The following TLE2 variants were observed in gnomAD, a reference collection of about 807,000 sequenced individuals.
The protein encoded by TLE2 is TLE family member 2, transcriptional corepressor, also known as transducin-like enhancer protein 2.
Under a neutral mutation model 97.2 loss-of-function variants are expected in TLE2, and 74 were observed. The observed-to-expected ratio is 0.76, with a 90% CI of 0.63 to 0.92. TLE2 has a LOEUF of 0.92. Among genes scored for constraint, TLE2 ranks in the 40% least tolerant of loss-of-function variants. The probability of loss-of-function intolerance (pLI) is 0.00; values close to 1 mark genes in which losing one functional copy is unlikely to be tolerated. For missense variants in TLE2, 1,038 were observed against 1,008.7 expected, an observed-to-expected ratio of 1.03 and a Z score of -0.39; for synonymous variants, 499 against 432.1, an observed-to-expected ratio of 1.15 and a Z score of -1.92.
intron 2 of TLE2, 150 bp downstream of exon 2, chr19:3,028,556 G>C: frequency 9.8e-7 from 1 of 1,016,334 alleles, no homozygotes; most frequent in Non-Finnish European, 1.4e-6. Context: ...ACTGTCCCCA[G>C]ACCCCTCTGC....
intron 5 of TLE2, among the ~76,000 whole-genome samples, chr19:3,023,378 C>T (rs995599967): frequency 9.9e-5 from 15 of 152,202 alleles, no homozygotes; most frequent in Non-Finnish European, 2.1e-4. Context: ...TAGACCACCT[C>T]GTCCCCACTT....
At chr19:3,008,364 C>T (rs745356600) in intron 14 of TLE2, among the ~76,000 whole-genome samples, 4 of 152,182 alleles carry the variant, frequency 2.6e-5, no homozygotes, top group Admixed American at 6.5e-5. Context: ...CCCCCGACAT[C>T]GCCCAGTGTC....
chr19:3,028,630 G>C, intron 2 of TLE2, 76 bp downstream of exon 2: 6 of 1,414,050 alleles, frequency 4.2e-6, no homozygotes, highest in Non-Finnish European at 2.0e-6. Flanking sequence ...CCTCCTCCCC[G>C]CCCTATACCC....
At chr19:3,030,920 C>T (rs1203710040), upstream of TLE2, among the ~76,000 whole-genome samples, 1 of 146,474 alleles carries the variant, frequency 6.8e-6, no homozygotes, top group Non-Finnish European at 1.5e-5. Flanking sequence ...CACTGCACTC[C>T]AGCCTGGGTG....
At position 2,997,720 on chromosome 19, in the gene TLE2, C is replaced by G. The variant is rs1480214733; in HGVS notation, c.*128G>C. The G allele has an allele frequency of 3.0e-6, 2 of 667,794 alleles. No individual in the cohort carries two copies. Among genetic ancestry groups the G allele is most frequent in the Non-Finnish European group, 5.4e-6 (2 of 373,250 alleles). The allele number at this position is 667,794 out of a possible 1,614,324, so 41.4% of individuals were successfully genotyped here. On this transcript the variant is annotated 3_prime_UTR_variant, in exon 20 of 20. Coordinates refer to ENST00000262953, the MANE Select transcript of TLE2 (RefSeq NM_003260.5). ...CATGCAGCAGGGGAAGGTGTGAAGCCGTTGGCCAGAGAGCAGATGGGATGT... is the reference window on the plus strand; with the variant it reads ...CATGCAGCAGGGGAAGGTGTGAAGCGGTTGGCCAGAGAGCAGATGGGATGT...
rs751875948 is a variant in TLE2, at chr19:3,019,385, C to T, written c.448G>A (p.Ala150Thr). The T allele has an allele frequency of 4.5e-6, 7 of 1,545,686 alleles. No individual in the cohort carries two copies. In the South Asian group the frequency reaches 7.1e-5, roughly 16 times the overall value. ...CCAGACAGAGCAAGCAGCCCCGTAG[C>T]ACTGCCGCCCACCAGCCCGGCTGGG... ...PRPAGLVGGSATGLLALSGAL... is the reference protein window; with the variant it reads ...PRPAGLVGGSTTGLLALSGAL... The change falls in exon 7 of 20, where the codon GCT becomes ACT. Residue 150 changes from alanine to threonine, a missense_variant. Coordinates refer to ENST00000262953, the MANE Select transcript of TLE2 (RefSeq NM_003260.5). The surrounding 1 kb of genome is among the most constrained non-coding windows in gnomAD (Gnocchi z 5.1).
chr19:3,042,018 G>T (rs1456568765), intron 1 of TLE2, among the ~76,000 whole-genome samples: 1 of 151,874 alleles, frequency 6.6e-6, no homozygotes, highest in Non-Finnish European at 1.5e-5. Context: ...TTAGCCACGC[G>T]GGCCCGGCCC....
chr19:3,046,341 G>A (rs1010936736), upstream of TLE2, among the ~76,000 whole-genome samples: 1 of 152,234 alleles, frequency 6.6e-6, no homozygotes, highest in South Asian at 2.1e-4. Context: ...TTCAGCCAGC[G>A]CAGGCACCTG....
At chr19:3,026,504 G>A (rs2089946884) in intron 4 of TLE2, among the ~76,000 whole-genome samples, 1 of 149,382 alleles carries the variant, frequency 6.7e-6, no homozygotes, top group Admixed American at 6.6e-5. Context: ...TCAGAACCTT[G>A]AGATCAGAAG....
upstream of TLE2, among the ~76,000 whole-genome samples, chr19:3,032,600 C>A (rs996013269): frequency 6.6e-6 from 1 of 152,090 alleles, no homozygotes; most frequent in Non-Finnish European, 1.5e-5. The surrounding 1 kb of genome is among the most constrained non-coding windows in gnomAD (Gnocchi z 4.1). Context: ...GTTTGTCTCC[C>A]TCACCACGAA....
At position 3,009,762 on chromosome 19, in the gene TLE2, T is replaced by C. The variant is rs1259637123; in HGVS notation, c.1013-60A>G. On this transcript the variant is annotated intron_variant, in intron 12 of 19. Transcript: ENST00000262953. ...CCTGGACCCAGATCCCGCCTCCCAC[T>C]GCCTTGGGAGCTCCCTGGCCTTTCA... 4.6e-6 allele frequency: 7 copies of C among 1,535,786 alleles called. No homozygotes were observed. In the African/African-American group the frequency reaches 8.3e-5, roughly 18 times the overall value.
At chr19:3,023,062 T>C (rs1031701434) in intron 5 of TLE2, among the ~76,000 whole-genome samples, 26 of 151,996 alleles carry the variant, frequency 1.7e-4, no homozygotes, top group African/African-American at 6.0e-4. Context: ...TAATCTTTTT[T>C]TTTTTTTTTT....
In TLE2 at chr19:3,000,624, G is replaced by T. The variant is rs547759793; in HGVS notation, c.2124+23C>A. Reference sequence around the variant, plus strand: ...CCCGGGCACATGGCCCTGCCAGAGTGGGGGCTCCAGACCGCCGAGTACCTG... The same window carrying T: ...CCCGGGCACATGGCCCTGCCAGAGTTGGGGCTCCAGACCGCCGAGTACCTG... On this transcript the variant is annotated intron_variant, in intron 19 of 19. Transcript: ENST00000262953. The T allele has an allele frequency of 1.3e-5, 21 of 1,564,380 alleles. No individual in the cohort carries two copies. In the African/African-American group the frequency reaches 2.4e-4, roughly 18 times the overall value.
intron 5 of TLE2, chr19:3,020,080 C>T (rs776466836): frequency 5.2e-5 from 19 of 364,674 alleles, no homozygotes; most frequent in Non-Finnish European, 8.1e-5. Flanking sequence ...GCCAGGAGTT[C>T]GAGACCAGCC....
intron 18 of TLE2, among the ~76,000 whole-genome samples, chr19:3,001,613 G>A (rs116772014): frequency 0.013 from 1,986 of 151,658 alleles, 33 homozygotes; most frequent in African/African-American, 0.042. Context: ...AGCCTCCCTC[G>A]TACCTGGCAC....
chr19:3,018,509 T>C (rs2089763761), intron 7 of TLE2, among the ~76,000 whole-genome samples: 1 of 151,896 alleles, frequency 6.6e-6, no homozygotes. Context: ...ACCAGGCTGG[T>C]CTCAAACTCC....
intron 14 of TLE2, among the ~76,000 whole-genome samples, 177 bp from the exon 15 acceptor site, chr19:3,006,846 G>A (rs750479901): frequency 1.3e-5 from 2 of 152,156 alleles, no homozygotes; most frequent in Admixed American, 6.5e-5. Context: ...GCAGTGGCCC[G>A]ATCTCAGCTC....
chr19:3,035,890 G>GC (rs1276914686), intron 1 of TLE2, among the ~76,000 whole-genome samples: 1 of 151,800 alleles, frequency 6.6e-6, no homozygotes, highest in Non-Finnish European at 1.5e-5. Flanking sequence ...GAGGAGGGGG[G>GC]GCTAAGGCTC....
intron 8 of TLE2, 53 bp downstream of exon 8, chr19:3,017,787 C>T: frequency 6.3e-7 from 1 of 1,579,962 alleles, no homozygotes; most frequent in Non-Finnish European, 8.6e-7. Context: ...AGCTCAGAAC[C>T]AGCGTTGGCC....
Sources: gnomAD v4.1 joint callset for allele counts (sites outside exome capture counted in the v4.1 genomes callset) on GRCh38, gnomAD v4.1.1 for gene constraint, Gnocchi (gnomAD v3.1) non-coding constraint, MANE v1.5 for transcripts, NCBI Gene and HGNC (gene_info 2026-07-23, HGNC 2026-07-21) for gene names.